Variants in RFX2 observed in about 807,000 individuals in gnomAD.
RFX2 encodes regulatory factor X2.
In RFX2, 20 loss-of-function variants were observed where a neutral mutation model predicts 87.8. The observed-to-expected ratio is 0.23, with a 90% CI of 0.16 to 0.33. The LOEUF (loss-of-function observed/expected upper bound fraction) is 0.33, where lower values mean the gene tolerates loss of function less well. Among genes scored for constraint, RFX2 ranks in the 10% least tolerant of loss-of-function variants. The probability of loss-of-function intolerance (pLI) is 1.00; values close to 1 mark genes in which losing one functional copy is unlikely to be tolerated. For synonymous variants in RFX2, 397 were observed against 431.3 expected (o/e 0.92, Z 0.98); for missense variants, 767 against 1,012.3 (o/e 0.76, Z 3.29).
At chr19:6,062,550 A>C (rs2087450813) in intron 1 of RFX2, among the ~76,000 whole-genome samples, 1 of 152,226 alleles carries the variant, frequency 6.6e-6, no homozygotes. Context: ...ACCTACGTGG[A>C]GCTTCCGTCT....
In RFX2 at chr19:6,010,117, G is replaced by A. The variant is rs1394611465; in HGVS notation, c.1015+19C>T. The A allele has an allele frequency of 6.7e-7, 1 of 1,487,964 alleles. No individual in the cohort carries two copies. The highest frequency in any genetic ancestry group is 1.4e-5 in the African/African-American group (1 of 71,996). 92.2% of individuals were successfully genotyped at this position (1,487,964 alleles called of 1,614,324 possible). ...GAGCAGATGGGAGCCCCGCCCCCGG[G>A]CCTGACCGGGCCTCTCACCTATGTA... On this transcript the variant is annotated intron_variant, in intron 9 of 17. Coordinates refer to ENST00000303657, the MANE Select transcript of RFX2 (RefSeq NM_000635.4). The surrounding 1 kb of genome is among the most constrained non-coding windows in gnomAD (Gnocchi z 5.0).
chr19:6,096,204 G>T (rs912709544), intron 1 of RFX2, among the ~76,000 whole-genome samples: 2 of 152,124 alleles, frequency 1.3e-5, no homozygotes, highest in African/African-American at 2.4e-5. Flanking sequence ...TATTGAATAG[G>T]TTCCTCGAAT....
chr19:6,029,411 T>TA (rs2086928854), intron 5 of RFX2, among the ~76,000 whole-genome samples: 1 of 151,806 alleles, frequency 6.6e-6, no homozygotes, highest in Non-Finnish European at 1.5e-5. Context: ...CAAAGCACTA[T>TA]AAAAAACCAT....
intron 1 of RFX2, among the ~76,000 whole-genome samples, chr19:6,066,207 CCT>C (rs1282636936): frequency 6.6e-6 from 1 of 152,090 alleles, no homozygotes; most frequent in Non-Finnish European, 1.5e-5. Context: ...GAACGTGCGA[CCT>C]CTCTTAATAA....
chr19:5,994,945 T>G lies in RFX2; in HGVS notation c.2062A>C (p.Met688Leu), dbSNP rs1178627209. ...LSLTLLDKDDMGDEQRGSEAG... is the reference protein window; with the variant it reads ...LSLTLLDKDDLGDEQRGSEAG... ...TCGCTGCCACGCTGCTCATCGCCCA[T>G]GTCATCTGCGGAGGGAGGGGTAGGG... The change falls in exon 18 of 18, where the codon ATG becomes CTG. Residue 688 changes from methionine to leucine, a missense_variant. Met to Leu is a conservative substitution (Grantham distance 15). Around this residue, in one of 2 missense-constraint regions of RFX2, gnomAD observed 621 missense variants for 873.0 expected, o/e 0.71. Coordinates refer to ENST00000303657, the MANE Select transcript of RFX2 (RefSeq NM_000635.4). The G allele has an allele frequency of 6.2e-7, 1 of 1,605,716 alleles. No homozygotes were observed. The highest frequency in any genetic ancestry group is 1.1e-5 in the South Asian group (1 of 91,038).
rs1041314972 is a variant in RFX2, at chr19:6,023,834, C to T, written c.597+2329G>A. 2.0e-5 allele frequency among the ~76,000 whole-genome samples: 3 copies of T among 151,522 alleles called. No individual in the cohort carries two copies. Among genetic ancestry groups the T allele is most frequent in the Non-Finnish European group, 4.4e-5 (3 of 67,922 alleles). ...TCGCTCTGTCTCCCAGGCTGGAGTG[C>T]AGTGGCGCAATCTCAGCTCACTGCA... On this transcript the variant is annotated intron_variant, in intron 6 of 17. Transcript: ENST00000303657. This position sits in a 1 kb window ranked among gnomAD's most constrained non-coding sequence, Gnocchi z 4.9.
intron 1 of RFX2, among the ~76,000 whole-genome samples, chr19:6,096,197 T>G (rs1421443870): frequency 3.9e-5 from 6 of 152,242 alleles, no homozygotes; most frequent in Admixed American, 3.9e-4. Context: ...AAATATTTAT[T>G]GAATAGGTTC....
chr19:6,038,044 T>C (rs997268308), intron 5 of RFX2, among the ~76,000 whole-genome samples: 1 of 152,042 alleles, frequency 6.6e-6, no homozygotes, highest in African/African-American at 2.4e-5. Context: ...TGTAAAACTA[T>C]GGTCAGGCGC....
chr19:6,080,202 ATGTG>A (rs368062995), intron 1 of RFX2, among the ~76,000 whole-genome samples: 2,220 of 138,426 alleles, frequency 0.016, 50 homozygotes, highest in African/African-American at 0.051. Context: ...TGCCTGGTTA[ATGTG>A]TGTGTGTGTG....
chr19:6,026,545 T>A lies in RFX2; in HGVS notation c.523-308A>T, dbSNP rs1346949991. On this transcript the variant is annotated intron_variant, in intron 5 of 17. Coordinates refer to ENST00000303657, the MANE Select transcript of RFX2 (RefSeq NM_000635.4). The surrounding 1 kb of genome is among the most constrained non-coding windows in gnomAD (Gnocchi z 4.5). ...ACCTGGCATATGTGTGTGCACGCCGTAGCATTAATATGCAGCCACTGCATC... is the reference window on the plus strand; with the variant it reads ...ACCTGGCATATGTGTGTGCACGCCGAAGCATTAATATGCAGCCACTGCATC... The A allele has an allele frequency of 1.7e-5, 7 of 417,072 alleles. No homozygotes were observed. Among genetic ancestry groups the A allele is most frequent in the Non-Finnish European group, 2.6e-5 (6 of 228,332 alleles). The allele number at this position is 417,072 out of a possible 1,614,324, so 25.8% of individuals were successfully genotyped here.
intron 16 of RFX2, among the ~76,000 whole-genome samples, chr19:5,996,745 C>T (rs2086418099): frequency 1.2e-4 from 19 of 152,252 alleles, no homozygotes; most frequent in Admixed American, 1.1e-3. Context: ...TGTCCGAGGC[C>T]TCCCCTGTGT....
chr19:6,101,212 T>C lies in RFX2; in HGVS notation c.-9+9181A>G, dbSNP rs10404544. On this transcript the variant is annotated intron_variant, in intron 1 of 17. Coordinates refer to ENST00000303657, the MANE Select transcript of RFX2 (RefSeq NM_000635.4). This position sits in a 1 kb window ranked among gnomAD's most constrained non-coding sequence, Gnocchi z 4.9. ...ATGGAGACCCCAGAGAGCTCCTCAC[T>C]GAAGTCCCTAGTAGGGTGAATTCTT... 0.25 allele frequency among the ~76,000 whole-genome samples: 37,722 copies of C among 152,202 alleles called. 8,808 individuals carry two copies. Among genetic ancestry groups the C allele is most frequent in the African/African-American group, 0.62 (25,775 of 41,476 alleles).
Position 5,997,928 on chromosome 19 carries a change from G to A in RFX2, c.1860-715C>T, listed in dbSNP as rs893483310. On this transcript the variant is annotated intron_variant, in intron 15 of 17. Transcript: ENST00000303657. The surrounding 1 kb of genome is among the most constrained non-coding windows in gnomAD (Gnocchi z 4.2). ...AGTTTCACTGGCACGCGTCATGCCC[G>A]TTCCTATGTTGTCTTTCCTAGGATG... Among the ~76,000 whole-genome samples, 31 of 152,160 alleles carry A rather than the reference G, an allele frequency of 2.0e-4. No individual in the cohort carries two copies. Among genetic ancestry groups the A allele is most frequent in the African/African-American group, 6.5e-4 (27 of 41,424 alleles).
Position 6,001,874 on chromosome 19 carries a change from G to C in RFX2, c.1800C>G (p.Ala600=). ...CGGCCTTGGGGAAGCTGGGGCTGCC[G>C]GCATGCTGCTTCAGGACCTGGGTGA... ...SVVTQVLKQH[A]GSPSFPKAAR... Residue 600 remains alanine (A), a synonymous_variant, in exon 15 of 18, where the codon GCC becomes GCG. Coordinates refer to ENST00000303657, the MANE Select transcript of RFX2 (RefSeq NM_000635.4). This position sits in a 1 kb window ranked among gnomAD's most constrained non-coding sequence, Gnocchi z 5.6. 1 of 1,613,062 alleles carries C rather than the reference G, an allele frequency of 6.2e-7. No individual in the cohort carries two copies. The highest frequency in any genetic ancestry group is 8.5e-7 in the Non-Finnish European group (1 of 1,179,736).
chr19:5,999,273 A>C lies in RFX2; in HGVS notation c.1860-2060T>G, dbSNP rs2086460093. On this transcript the variant is annotated intron_variant, in intron 15 of 17. Transcript: ENST00000303657. This position sits in a 1 kb window ranked among gnomAD's most constrained non-coding sequence, Gnocchi z 4.1. Reference sequence around the variant, plus strand: ...CTGTCTCAAAAAACAAGCAAACAAGAGAATGAAGTGGAACAGTGTCTCGGT... The same window carrying C: ...CTGTCTCAAAAAACAAGCAAACAAGCGAATGAAGTGGAACAGTGTCTCGGT... Among the ~76,000 whole-genome samples, 1 of 152,120 alleles carries C rather than the reference A, an allele frequency of 6.6e-6. No individual in the cohort carries two copies. Among genetic ancestry groups the C allele is most frequent in the South Asian group, 2.1e-4 (1 of 4,824 alleles).
intron 1 of RFX2, among the ~76,000 whole-genome samples, chr19:6,057,892 T>C (rs1368705335): frequency 6.6e-6 from 1 of 152,156 alleles, no homozygotes; most frequent in Non-Finnish European, 1.5e-5. Context: ...GGCCAGGTCC[T>C]CGGAGTAAGT....
Position 6,024,062 on chromosome 19 carries a change from G to A in RFX2, c.597+2101C>T, listed in dbSNP as rs1304989967. ...CCCAAACTGCTGGGATTACAGGCGT[G>A]AGCCACCGTGCCCAGCCCATTTTCC... On this transcript the variant is annotated intron_variant, in intron 6 of 17. Coordinates refer to ENST00000303657, the MANE Select transcript of RFX2 (RefSeq NM_000635.4). The surrounding 1 kb of genome is among the most constrained non-coding windows in gnomAD (Gnocchi z 5.0). Among the ~76,000 whole-genome samples, 1 of 152,170 alleles carries A rather than the reference G, an allele frequency of 6.6e-6. No individual in the cohort carries two copies. Among genetic ancestry groups the A allele is most frequent in the Non-Finnish European group, 1.5e-5 (1 of 68,022 alleles).
intron 5 of RFX2, among the ~76,000 whole-genome samples, chr19:6,036,932 T>C (rs1453396248): frequency 6.6e-6 from 1 of 152,042 alleles, no homozygotes; most frequent in East Asian, 1.9e-4. Flanking sequence ...TTTGTCCATA[T>C]TGGAAAGAAA....
chr19:6,008,262 C>A, intron 9 of RFX2, 38 bp from the exon 10 acceptor site: 1 of 1,378,152 alleles, frequency 7.3e-7, no homozygotes, highest in Non-Finnish European at 9.9e-7. Flanking sequence ...AATGGCGAGG[C>A]TCTTAGGACA....
Sources: gnomAD v4.1 joint callset for allele counts (sites outside exome capture counted in the v4.1 genomes callset) on GRCh38, gnomAD v4.1.1 for gene constraint, gnomAD v4.1.1 regional missense constraint, Gnocchi (gnomAD v3.1) non-coding constraint, MANE v1.5 for transcripts, NCBI Gene and HGNC (gene_info 2026-07-23, HGNC 2026-07-21) for gene names.